Variants in PTPRD observed in about 807,000 individuals in gnomAD.
PTPRD encodes receptor-type tyrosine-protein phosphatase delta.
Under a neutral mutation model 214.5 loss-of-function variants are expected in PTPRD, and 34 were observed. The ratio of observed to expected loss-of-function variants is 0.16; its 90% CI spans 0.12 to 0.21. PTPRD has a LOEUF of 0.21. Ranked by LOEUF, PTPRD falls within the 10% of genes least tolerant of loss-of-function variation. PTPRD has a pLI of 1.00. For missense variants in PTPRD, 2,545 were observed against 2,398.7 expected, an observed-to-expected ratio of 1.06 and a Z score of -1.27; for synonymous variants, 1,128 against 845.7, an observed-to-expected ratio of 1.33 and a Z score of -5.79.
intron 14 of PTPRD, among the ~76,000 whole-genome samples, chr9:8,550,784 T>C (rs1414340315): frequency 6.6e-6 from 1 of 152,248 alleles, no homozygotes; most frequent in Non-Finnish European, 1.5e-5. Flanking sequence ...TGAGAACTCC[T>C]GACAAGAACA....
At chr9:8,584,365 A>C (rs2093457682) in intron 14 of PTPRD, among the ~76,000 whole-genome samples, 1 of 152,034 alleles carries the variant, frequency 6.6e-6, no homozygotes, top group African/African-American at 2.4e-5. Flanking sequence ...TAGGTTGGGT[A>C]GAAAAATGCA....
chr9:10,121,266 A>G (rs184106), intron 3 of PTPRD, among the ~76,000 whole-genome samples: 110,808 of 152,074 alleles, frequency 0.73, 40,924 homozygotes, highest in Middle Eastern at 0.89. Context: ...TTGGAGGGAA[A>G]TGGTAGCATG....
intron 20 of PTPRD, among the ~76,000 whole-genome samples, chr9:8,519,141 T>C (rs748772369): frequency 5.9e-5 from 9 of 152,314 alleles, no homozygotes; most frequent in South Asian, 4.1e-4. Context: ...GCTTTATTCT[T>C]AATATTTAAA....
intron 9 of PTPRD, among the ~76,000 whole-genome samples, chr9:9,237,833 G>A (rs1039986764): frequency 2.0e-5 from 3 of 151,970 alleles, no homozygotes; most frequent in Non-Finnish European, 4.4e-5. Flanking sequence ...TTTTCTTGTT[G>A]CCATGATTTT....
At chr9:9,410,617 G>A (rs900437737) in intron 8 of PTPRD, among the ~76,000 whole-genome samples, 1 of 152,116 alleles carries the variant, frequency 6.6e-6, no homozygotes. Context: ...TTTTGCTGGT[G>A]GAGGGAAAAG....
intron 7 of PTPRD, among the ~76,000 whole-genome samples, chr9:9,706,373 C>A (rs1428529983): frequency 6.6e-6 from 1 of 151,802 alleles, no homozygotes; most frequent in Non-Finnish European, 1.5e-5. Context: ...TATCAGACAC[C>A]AAAATAAGAG....
intron 11 of PTPRD, among the ~76,000 whole-genome samples, chr9:8,974,998 G>A (rs1329102706): frequency 2.0e-5 from 3 of 151,280 alleles, no homozygotes; most frequent in Non-Finnish European, 4.4e-5. Flanking sequence ...TTGGGAGGCT[G>A]AGGCAGGAGA....
intron 2 of PTPRD, among the ~76,000 whole-genome samples, chr9:10,348,761 C>A (rs184023150): frequency 1.6e-4 from 24 of 152,180 alleles, no homozygotes; most frequent in Admixed American, 5.2e-4. Context: ...ATATTGGGAC[C>A]TTAAACTCAC....
At chr9:8,991,367 C>T (rs1018246266) in intron 11 of PTPRD, among the ~76,000 whole-genome samples, 3 of 152,128 alleles carry the variant, frequency 2.0e-5, no homozygotes, top group African/African-American at 7.2e-5. Flanking sequence ...GGAGTGTCAG[C>T]TGTGACCCTT....
intron 10 of PTPRD, among the ~76,000 whole-genome samples, chr9:9,118,158 G>A (rs1295280450): frequency 6.6e-6 from 1 of 152,176 alleles, no homozygotes; most frequent in Non-Finnish European, 1.5e-5. Context: ...ACTTTTGACT[G>A]TGGCTCTGCA....
At chr9:10,496,824 C>A (rs977769426) in intron 2 of PTPRD, among the ~76,000 whole-genome samples, 2 of 151,894 alleles carry the variant, frequency 1.3e-5, no homozygotes, top group African/African-American at 2.4e-5. Context: ...GCTTGTTGAA[C>A]TGCTTAAGTT....
intron 10 of PTPRD, among the ~76,000 whole-genome samples, chr9:9,105,086 CA>C (rs1194668323): frequency 6.6e-6 from 1 of 152,158 alleles, no homozygotes; most frequent in Non-Finnish European, 1.5e-5. Flanking sequence ...AACATTGTAG[CA>C]ATTTTCTGCA....
chr9:9,791,542 T>A (rs2098967357), intron 5 of PTPRD, among the ~76,000 whole-genome samples: 1 of 152,164 alleles, frequency 6.6e-6, no homozygotes, highest in Non-Finnish European at 1.5e-5. Context: ...ATGATAAGTT[T>A]CTCTATCAAG....
chr9:10,228,776 A>G (rs1386487650), intron 3 of PTPRD, among the ~76,000 whole-genome samples: 1 of 149,536 alleles, frequency 6.7e-6, no homozygotes, highest in Non-Finnish European at 1.5e-5. Context: ...ATGTATAAAT[A>G]TGTGATATAA....
chr9:10,439,571 AGT>A (rs1367711212), intron 2 of PTPRD, among the ~76,000 whole-genome samples: 1 of 151,790 alleles, frequency 6.6e-6, no homozygotes, highest in Non-Finnish European at 1.5e-5. Context: ...TTCACTATTA[AGT>A]CAGGCAGAAA....
intron 12 of PTPRD, among the ~76,000 whole-genome samples, chr9:8,651,192 T>C (rs931000316): frequency 2.4e-4 from 36 of 152,332 alleles, no homozygotes; most frequent in African/African-American, 8.2e-4. Flanking sequence ...GTTCTGCAGA[T>C]GTCTCCCCAC....
chr9:10,517,852 G>C (rs2050661383), intron 2 of PTPRD, among the ~76,000 whole-genome samples: 1 of 152,042 alleles, frequency 6.6e-6, no homozygotes, highest in Non-Finnish European at 1.5e-5. Context: ...AATTTAAAAT[G>C]TGTGTTTAAA....
At chr9:9,172,166 A>G (rs1485212698) in intron 10 of PTPRD, among the ~76,000 whole-genome samples, 1 of 152,162 alleles carries the variant, frequency 6.6e-6, no homozygotes, top group Non-Finnish European at 1.5e-5. Flanking sequence ...AGATACAAAT[A>G]TAATTCATCC....
chr9:8,947,961 A>G (rs979073113), intron 11 of PTPRD, among the ~76,000 whole-genome samples: 3 of 151,746 alleles, frequency 2.0e-5, no homozygotes, highest in African/African-American at 7.3e-5. Context: ...TGTGTTGCCT[A>G]ACATCATACA....
Sources: allele counts gnomAD v4.1 joint callset (sites outside exome capture counted in the v4.1 genomes callset), GRCh38; gene constraint gnomAD v4.1.1; transcripts MANE v1.5; gene names NCBI Gene and HGNC (gene_info 2026-07-23, HGNC 2026-07-21).